NFAT5: variants seen among roughly 807,000 people sequenced by gnomAD.
The protein encoded by NFAT5 is nuclear factor of activated T cells 5.
In NFAT5, 31 loss-of-function variants were observed where a neutral mutation model predicts 166.5. The ratio of observed to expected loss-of-function variants is 0.19; its 90% CI spans 0.14 to 0.25. NFAT5 has a LOEUF of 0.25. Ranked by LOEUF, NFAT5 falls within the 10% of genes least tolerant of loss-of-function variation. The pLI is 1.00. For missense variants in NFAT5, 1,449 were observed against 1,821.8 expected, an observed-to-expected ratio of 0.80 and a Z score of 3.72; for synonymous variants, 612 against 639.7, an observed-to-expected ratio of 0.96 and a Z score of 0.65.
At chr16:69,586,225 G>A (rs1198964864) in intron 2 of NFAT5, among the ~76,000 whole-genome samples, 3 of 152,066 alleles carry the variant, frequency 2.0e-5, no homozygotes, top group African/African-American at 7.2e-5. Flanking sequence ...GTGAATTTCT[G>A]ACTTTCTATG....
chr16:69,656,623 T>C (rs887329003), intron 6 of NFAT5, among the ~76,000 whole-genome samples: 7 of 152,036 alleles, frequency 4.6e-5, no homozygotes, highest in Non-Finnish European at 1.0e-4. Context: ...CGGCTAATTT[T>C]GTATTTTTAG....
intron 11 of NFAT5, 27 bp downstream of exon 11, chr16:69,684,997 C>A (rs759664417): frequency 1.3e-6 from 2 of 1,520,320 alleles, no homozygotes; most frequent in Non-Finnish European, 1.8e-6. Flanking sequence ...TCTCAAAAAT[C>A]GTAATTGGGT....
intron 1 of NFAT5, among the ~76,000 whole-genome samples, chr16:69,567,682 A>G (rs554718225): frequency 8.5e-5 from 13 of 152,284 alleles, no homozygotes; most frequent in African/African-American, 3.1e-4. Flanking sequence ...AATTGTAGCC[A>G]CTGTCTGTTG....
chr16:69,589,090 G>C (rs1192769116), intron 2 of NFAT5, among the ~76,000 whole-genome samples: 1 of 148,244 alleles, frequency 6.7e-6, no homozygotes, highest in African/African-American at 2.5e-5. Context: ...CACGTCCTGG[G>C]TACAAGTGAT....
rs1237081511 is a variant in NFAT5 at position 69,566,406 on chromosome 16, G to C, written c.73+32G>C. 1 of 1,495,872 alleles carries C rather than the reference G, an allele frequency of 6.7e-7. No homozygotes were observed. The highest frequency in any genetic ancestry group is 9.2e-7 in the Non-Finnish European group (1 of 1,092,680). The allele number at this position is 1,495,872 out of a possible 1,614,324, so 92.7% of individuals were successfully genotyped here. ...CAGGCTGTGGGGGGTGGGGCGTGGG[G>C]GCGGGGAGACAGGGAGACAGGGAGA... is the stretch of plus-strand genomic sequence containing the variant. On this transcript the variant is annotated intron_variant, in intron 1 of 14. Transcript: ENST00000349945. This position sits in a 1 kb window ranked among gnomAD's most constrained non-coding sequence, Gnocchi z 5.7.
In NFAT5 at chr16:69,692,754, C is replaced by T. The variant is rs369476982; in HGVS notation, c.2929C>T (p.Pro977Ser). 25 of 1,614,108 alleles carry T rather than the reference C, an allele frequency of 1.5e-5. No individual in the cohort carries two copies. The highest frequency in any genetic ancestry group is 3.3e-5 in the Admixed American group (2 of 60,004). The stretch of plus-strand genomic sequence containing the variant: ...GCAGTGTGAATTGTTTTCTTCTCCT[C>T]CTGCAGTTTCTGGAAATGAAACTTC... ...QMQCELFSSP[P>S]AVSGNETSTT... is the part of the protein sequence containing the mutation. Residue 977 changes from proline to serine, a missense_variant, in exon 13 of 15, where the codon CCT (proline) becomes TCT (serine). Physicochemically the swap from Pro to Ser is moderately conservative, Grantham distance 74. This residue lies in a region of NFAT5 where 891 missense variants were observed against 993.0 expected (regional missense o/e 0.90). Coordinates refer to ENST00000349945, the MANE Select transcript of NFAT5 (RefSeq NM_138713.4).
chr16:69,698,246 C>T lies in NFAT5; in HGVS notation c.*1895C>T, dbSNP rs2037825519. 6.6e-6 allele frequency: 1 copy of T among 152,402 alleles called. No individual in the cohort carries two copies. Among genetic ancestry groups the T allele is most frequent in the Admixed American group, 6.6e-5 (1 of 15,256 alleles). The allele number at this position is 152,402 out of a possible 1,614,324, so 9.4% of individuals were successfully genotyped here. A position where few individuals can be genotyped will look rare whatever the true frequency, so the allele number is the denominator to read the frequency against. On this transcript the variant is annotated 3_prime_UTR_variant, in exon 15 of 15. Coordinates refer to ENST00000349945, the MANE Select transcript of NFAT5 (RefSeq NM_138713.4). ...ACTCTGGGTCATTTAATTTTGAATA[C>T]AGTTTTCAATCGTTCAAGTTTTGGA...
intron 2 of NFAT5, among the ~76,000 whole-genome samples, chr16:69,606,680 C>T (rs866539521): frequency 2.6e-5 from 4 of 152,054 alleles, no homozygotes; most frequent in Admixed American, 6.6e-5. Flanking sequence ...CATAATGAAA[C>T]GTCATCTCCA....
chr16:69,576,751 C>T (rs968403396), intron 2 of NFAT5, among the ~76,000 whole-genome samples: 1 of 152,100 alleles, frequency 6.6e-6, no homozygotes, highest in African/African-American at 2.4e-5. Flanking sequence ...GTCCCAGCTA[C>T]TTGGGAGGCA....
At chr16:69,668,002 T>C (rs2036470696) in intron 7 of NFAT5, among the ~76,000 whole-genome samples, 1 of 152,198 alleles carries the variant, frequency 6.6e-6, no homozygotes, top group African/African-American at 2.4e-5. Context: ...GTTTCACTTT[T>C]GTTTACCAGG....
intron 2 of NFAT5, among the ~76,000 whole-genome samples, chr16:69,569,836 A>G (rs2016331042): frequency 6.6e-6 from 1 of 152,232 alleles, no homozygotes; most frequent in South Asian, 2.1e-4. Context: ...ATAGATATAC[A>G]TTAGTATGAA....
In NFAT5 at chr16:69,566,164, C is replaced by T; in HGVS notation, c.-138C>T. On this transcript the variant is annotated 5_prime_UTR_variant, in exon 1 of 15. Transcript: ENST00000349945. The surrounding 1 kb of genome is among the most constrained non-coding windows in gnomAD (Gnocchi z 5.7). Reference sequence around the variant, plus strand: ...GTCCTCGGCCCAGTGGAAGTCACTACCCTCGAGGAGGAGGCAGCGGCAGCC... The same window carrying T: ...GTCCTCGGCCCAGTGGAAGTCACTATCCTCGAGGAGGAGGCAGCGGCAGCC... 1 of 663,276 alleles carries T rather than the reference C, an allele frequency of 1.5e-6. No individual in the cohort carries two copies. Among genetic ancestry groups the T allele is most frequent in the Non-Finnish European group, 2.6e-6 (1 of 391,548 alleles). 41.1% of individuals were successfully genotyped at this position (663,276 alleles called of 1,614,324 possible).
chr16:69,630,862 G>A (rs2034681665), intron 3 of NFAT5, among the ~76,000 whole-genome samples: 1 of 152,252 alleles, frequency 6.6e-6, no homozygotes, highest in Middle Eastern at 3.4e-3. Context: ...GCTTTATTGA[G>A]ACATAATTCA....
intron 4 of NFAT5, chr16:69,649,671 T>C (rs1285896711): frequency 7.7e-6 from 4 of 518,494 alleles, no homozygotes; most frequent in African/African-American, 4.1e-5. Flanking sequence ...CATACCTAAA[T>C]ATATAGAAAA....
chr16:69,583,215 G>C (rs1169284577), intron 2 of NFAT5, among the ~76,000 whole-genome samples: 2 of 151,638 alleles, frequency 1.3e-5, no homozygotes, highest in Non-Finnish European at 2.9e-5. Context: ...CTGTTTTTAA[G>C]GGATGGGGTC....
intron 11 of NFAT5, among the ~76,000 whole-genome samples, chr16:69,688,587 G>T (rs1410827898): frequency 6.6e-6 from 1 of 151,862 alleles, no homozygotes; most frequent in Non-Finnish European, 1.5e-5. Context: ...GGTCAGGCTG[G>T]CGAACTCCTG....
chr16:69,685,130 CTT>C (rs1330827218), intron 11 of NFAT5, 160 bp downstream of exon 11: 8 of 292,230 alleles, frequency 2.7e-5, no homozygotes, highest in Non-Finnish European at 5.0e-5. Context: ...AATGTAGAGA[CTT>C]GTTTTCCAAT....
At chr16:69,635,991 T>C (rs2151599103) in intron 3 of NFAT5, among the ~76,000 whole-genome samples, 1 of 152,168 alleles carries the variant, frequency 6.6e-6, no homozygotes, top group East Asian at 1.9e-4. Context: ...CAAGGCAAGC[T>C]CCTTTTGCCT....
At chr16:69,662,609 G>A (rs1012281232) in intron 7 of NFAT5, among the ~76,000 whole-genome samples, 6 of 151,798 alleles carry the variant, frequency 4.0e-5, no homozygotes, top group East Asian at 1.9e-4. Flanking sequence ...ACAGGCACCC[G>A]CCACCACGCC....
Sources: allele counts gnomAD v4.1 joint callset (sites outside exome capture counted in the v4.1 genomes callset), GRCh38; gene constraint gnomAD v4.1.1; regional missense constraint gnomAD v4.1.1; non-coding constraint Gnocchi (gnomAD v3.1); transcripts MANE v1.5; gene names NCBI Gene and HGNC (gene_info 2026-07-23, HGNC 2026-07-21).